IQCK: variants seen among roughly 807,000 people sequenced by gnomAD.
The protein encoded by IQCK is IQ domain-containing protein K.
Under a neutral mutation model 28.1 loss-of-function variants are expected in IQCK, and 29 were observed. The ratio of observed to expected loss-of-function variants is 1.03; its 90% CI spans 0.77 to 1.41. IQCK has a LOEUF of 1.41. IQCK is among the 40% of genes most tolerant of loss of function. The pLI is 0.00. For missense variants in IQCK, 359 were observed against 314.7 expected (o/e 1.14, Z -1.07); for synonymous variants, 113 against 115.1 (o/e 0.98, Z 0.12).
intron 6 of IQCK, among the ~76,000 whole-genome samples, chr16:19,780,130 C>G (rs995996188): frequency 1.3e-5 from 2 of 151,848 alleles, no homozygotes; most frequent in Non-Finnish European, 2.9e-5. Context: ...CAACTTCCGC[C>G]TCCTAAGTTC....
At chr16:19,850,297 G>A (rs559259229) in intron 9 of IQCK, among the ~76,000 whole-genome samples, 10 of 152,244 alleles carry the variant, frequency 6.6e-5, no homozygotes, top group African/African-American at 2.2e-4. Context: ...AGCTCACAGC[G>A]TAACCTTGAG....
intron 4 of IQCK, among the ~76,000 whole-genome samples, chr16:19,753,261 A>T (rs908986999): frequency 1.3e-5 from 2 of 151,820 alleles, no homozygotes; most frequent in African/African-American, 2.4e-5. Flanking sequence ...AAAAAAAAAA[A>T]ATTTTTGAAA....
At chr16:19,721,459 G>A (rs1488778960) in intron 1 of IQCK, among the ~76,000 whole-genome samples, 1 of 152,056 alleles carries the variant, frequency 6.6e-6, no homozygotes, top group African/African-American at 2.4e-5. Context: ...ATTCTAAAAA[G>A]CACTCGTGTT....
At chr16:19,763,109 G>A (rs1023604409) in intron 4 of IQCK, among the ~76,000 whole-genome samples, 5 of 152,134 alleles carry the variant, frequency 3.3e-5, no homozygotes, top group African/African-American at 1.2e-4. Flanking sequence ...CACAAATTTT[G>A]TATATGTATT....
chr16:19,854,859 G>A (rs1363745998), intron 9 of IQCK, among the ~76,000 whole-genome samples: 1 of 152,144 alleles, frequency 6.6e-6, no homozygotes, highest in African/African-American at 2.4e-5. Flanking sequence ...CGTTAGTAGG[G>A]TCTAGAAGCA....
rs905267623 is a variant in IQCK, at chr16:19,741,436, G to T, written c.474+5986G>T. Among the ~76,000 whole-genome samples the T allele has an allele frequency of 4.6e-5, 7 of 152,226 alleles. No homozygotes were observed. The South Asian group carries it at 1.5e-3, about 32-fold the overall frequency. On this transcript the variant is annotated intron_variant, in intron 4 of 7. Transcript: ENST00000564186. ...CCATAAATAATTTTGTAACAAGGGG[G>T]CTAGAAACAGTTTCCAGCCTGTAAG...
chr16:19,739,088 G>A (rs1240219017), intron 4 of IQCK, among the ~76,000 whole-genome samples: 1 of 152,182 alleles, frequency 6.6e-6, no homozygotes, highest in South Asian at 2.1e-4. Context: ...GCCAAGCCCA[G>A]CATGCAGCTT....
chr16:19,774,396 TAC>T (rs1242131598), intron 6 of IQCK, among the ~76,000 whole-genome samples: 1 of 144,180 alleles, frequency 6.9e-6, no homozygotes, highest in African/African-American at 2.7e-5. Context: ...ATTTAGCTAA[TAC>T]TTTTTTTTTT....
chr16:19,785,793 C>CTGG (rs1302477202), intron 6 of IQCK, among the ~76,000 whole-genome samples: 1 of 152,202 alleles, frequency 6.6e-6, no homozygotes, highest in Non-Finnish European at 1.5e-5. Context: ...ATTCTGTATC[C>CTGG]TGGCTCTTGA....
At position 19,798,416 on chromosome 16, in the gene IQCK, C is replaced by CA. The variant is rs527790164; in HGVS notation, c.690+9500dup. Among the ~76,000 whole-genome samples, 15 of 119,690 alleles carry CA rather than the reference C, an allele frequency of 1.3e-4. 1 individual carries two copies. The highest frequency in any genetic ancestry group is 2.2e-4 in the Admixed American group (3 of 13,724). 78.5% of individuals were successfully genotyped at this position (119,690 alleles called of 152,430 possible). On this transcript the variant is annotated intron_variant, in intron 7 of 7. Transcript: ENST00000564186. ...CTGGCGACAGAGCCAGAGTCCATCACAAAAAATATATATATATATATATAT... is the reference window on the plus strand; with the variant it reads ...CTGGCGACAGAGCCAGAGTCCATCACAAAAAAATATATATATATATATATAT...
At chr16:19,755,418 G>T (rs1156621130) in intron 4 of IQCK, among the ~76,000 whole-genome samples, 1 of 152,218 alleles carries the variant, frequency 6.6e-6, no homozygotes, top group African/African-American at 2.4e-5. Flanking sequence ...TCCCATCTGG[G>T]GAGGTGGGAT....
chr16:19,758,501 T>C (rs4782281), intron 4 of IQCK, among the ~76,000 whole-genome samples: 52,170 of 152,204 alleles, frequency 0.34, 13,993 homozygotes, highest in African/African-American at 0.75. Context: ...TACCACTAAA[T>C]GATGTGATAA....
At chr16:19,738,332 G>A (rs1245501508) in intron 4 of IQCK, among the ~76,000 whole-genome samples, 1 of 152,206 alleles carries the variant, frequency 6.6e-6, no homozygotes, top group African/African-American at 2.4e-5. Flanking sequence ...CTGGAGGGGT[G>A]AGGAAAGAAG....
rs199799008 is a variant in IQCK at position 19,731,337 on chromosome 16, T to A, written c.246+843T>A. On this transcript the variant is annotated intron_variant, in intron 2 of 7. Coordinates refer to ENST00000564186, the Ensembl canonical transcript of IQCK. ...GCAAGGCTCTGAGAGATGAAGGGAC[T>A]TGAGCACGGTAACACGGATGGAATC... 5.9e-5 allele frequency among the ~76,000 whole-genome samples: 9 copies of A among 152,326 alleles called. No individual in the cohort carries two copies. In the East Asian group the frequency reaches 1.4e-3, roughly 23 times the overall value.
At chr16:19,824,828 G>GTT (rs2056124872) in intron 7 of IQCK, among the ~76,000 whole-genome samples, 1 of 152,194 alleles carries the variant, frequency 6.6e-6, no homozygotes, top group Admixed American at 6.5e-5. Flanking sequence ...TGGAATTCCT[G>GTT]TATCATCCAA....
At chr16:19,769,999 G>A (rs181646231) in intron 6 of IQCK, among the ~76,000 whole-genome samples, 8 of 152,296 alleles carry the variant, frequency 5.3e-5, no homozygotes, top group Admixed American at 5.2e-4. Context: ...GACCCAGCGA[G>A]AAGAGCAAGT....
At chr16:19,853,842 G>A (rs1332876655) in intron 9 of IQCK, among the ~76,000 whole-genome samples, 2 of 152,174 alleles carry the variant, frequency 1.3e-5, no homozygotes, top group African/African-American at 4.8e-5. Context: ...TGGCCAGGCT[G>A]GTCTCGAACC....
intron 4 of IQCK, among the ~76,000 whole-genome samples, chr16:19,754,490 C>G (rs1000045238): frequency 6.6e-6 from 1 of 152,176 alleles, no homozygotes. Flanking sequence ...GGTTGCTTAT[C>G]AAATTCCATT....
intron 1 of IQCK, among the ~76,000 whole-genome samples, chr16:19,723,234 TC>T (rs1367282375): frequency 1.3e-5 from 2 of 152,172 alleles, no homozygotes; most frequent in East Asian, 3.9e-4. Flanking sequence ...CCACTGGCTG[TC>T]GTAGGAACCT....
Sources: gnomAD v4.1 joint callset for allele counts (sites outside exome capture counted in the v4.1 genomes callset) on GRCh38, gnomAD v4.1.1 for gene constraint, MANE v1.5 for transcripts, NCBI Gene and HGNC (gene_info 2026-07-23, HGNC 2026-07-21) for gene names.